The following HHLA1 variants were observed in gnomAD, a reference collection of about 807,000 sequenced individuals.
HHLA1 encodes HERV-H LTR-associating protein 1.
A neutral mutation model predicts 69.9 loss-of-function variants in HHLA1; 72 were observed. The ratio of observed to expected loss-of-function variants is 1.03; its 90% CI spans 0.85 to 1.25. The LOEUF is 1.25. HHLA1 is among the 50% of genes most tolerant of loss of function. The pLI is 0.00. For missense variants in HHLA1, 685 were observed against 642.2 expected, an observed-to-expected ratio of 1.07 and a Z score of -0.72; for synonymous variants, 252 against 233.2, an observed-to-expected ratio of 1.08 and a Z score of -0.73.
intron 1 of HHLA1, among the ~76,000 whole-genome samples, chr8:132,105,530 C>T (rs766073413): frequency 6.6e-5 from 10 of 152,218 alleles, no homozygotes; most frequent in Non-Finnish European, 1.5e-4. Context: ...TCCACATAGT[C>T]ACTCAGGGAC....
chr8:132,079,859 ATG>A lies in HHLA1; in HGVS notation c.782_783del (p.Ala261ValfsTer28). On this transcript the variant is annotated frameshift_variant, in exon 11 of 17. Transcript: ENST00000414222. LOFTEE classifies it high-confidence loss of function. ...PGHWTQSTPW[A>X]SALRSSPWTE... ...GTCCAGGGAGAGGATCTCAGAGCAGATGCCCAGGGTGTGCTCTGGGTCCAGTG... is the reference window on the plus strand; with the variant it reads ...GTCCAGGGAGAGGATCTCAGAGCAGACCCAGGGTGTGCTCTGGGTCCAGTG... 2 of 1,551,990 alleles carry A rather than the reference ATG, an allele frequency of 1.3e-6. No individual in the cohort carries two copies. Among genetic ancestry groups the A allele is most frequent in the Non-Finnish European group, 1.7e-6 (2 of 1,147,046 alleles).
intron 8 of HHLA1, among the ~76,000 whole-genome samples, chr8:132,088,371 C>T (rs1203617473): frequency 6.6e-6 from 1 of 152,140 alleles, no homozygotes; most frequent in African/African-American, 2.4e-5. Flanking sequence ...AAGAGCTGAA[C>T]GTTTTACCAA....
intron 5 of HHLA1, among the ~76,000 whole-genome samples, chr8:132,096,116 G>T (rs1330630509): frequency 6.6e-6 from 1 of 152,190 alleles, no homozygotes; most frequent in Admixed American, 6.5e-5. Flanking sequence ...GCAGAAATTT[G>T]TTCTCTCACA....
intron 14 of HHLA1, among the ~76,000 whole-genome samples, chr8:132,074,670 T>G (rs1297746887): frequency 6.6e-6 from 1 of 152,192 alleles, no homozygotes; most frequent in African/African-American, 2.4e-5. Flanking sequence ...GCAATTATGT[T>G]TTTCATTACA....
chr8:132,064,805 T>C (rs975454274), intron 16 of HHLA1, among the ~76,000 whole-genome samples: 1 of 152,032 alleles, frequency 6.6e-6, no homozygotes, highest in Non-Finnish European at 1.5e-5. Flanking sequence ...TGAGAAACAG[T>C]GGAGGGCAGA....
intron 15 of HHLA1, chr8:132,070,428 C>T: frequency 1.4e-6 from 1 of 700,098 alleles, no homozygotes; most frequent in Non-Finnish European, 2.6e-6. Context: ...CCTAGCAAAT[C>T]TCGCCAGGCT....
At chr8:132,076,192 G>A (rs1823636894) in intron 13 of HHLA1, 63 bp from the exon 14 acceptor site, 5 of 1,143,002 alleles carry the variant, frequency 4.4e-6, no homozygotes, top group Non-Finnish European at 6.4e-6. Flanking sequence ...GATACACACA[G>A]CAAGAAATTT....
rs1419682884 is a variant in HHLA1, at chr8:132,077,870, G to T, written c.1027C>A (p.Pro343Thr). The T allele has an allele frequency of 1.3e-6, 2 of 1,551,510 alleles. No homozygotes were observed. Among genetic ancestry groups the T allele is most frequent in the Non-Finnish European group, 1.7e-6 (2 of 1,146,958 alleles). ...CGAGTTTCCCAGAGAGACCCTCCAG[G>T]TTTTTTCTCACTGATGGTCTGAGCC... ...PWAQTISEKKPGGSLWETRSS... is the reference protein window; with the variant it reads ...PWAQTISEKKTGGSLWETRSS... Residue 343 changes from proline (P) to threonine (T), a missense_variant, in exon 12 of 17, where the codon CCT (proline) becomes ACT (threonine). By Grantham distance (38) the Pro-to-Thr change is conservative. Coordinates refer to ENST00000414222, the MANE Select transcript of HHLA1 (RefSeq NM_001145095.3).
intron 10 of HHLA1, among the ~76,000 whole-genome samples, chr8:132,083,956 A>G (rs1170441190): frequency 1.3e-5 from 2 of 151,648 alleles, no homozygotes; most frequent in African/African-American, 4.8e-5. Context: ...TATTTTGAGA[A>G]TAAGACGGCC....
At chr8:132,075,431 C>T (rs189225823) in intron 14 of HHLA1, among the ~76,000 whole-genome samples, 3 of 152,266 alleles carry the variant, frequency 2.0e-5, no homozygotes. Flanking sequence ...AAAAATGCAG[C>T]AAAAACCACA....
chr8:132,076,010 C>A, intron 14 of HHLA1, 45 bp downstream of exon 14: 2 of 1,392,556 alleles, frequency 1.4e-6, no homozygotes, highest in South Asian at 1.2e-5. Context: ...TGACCTTGTT[C>A]AAAATAAACA....
intron 10 of HHLA1, among the ~76,000 whole-genome samples, chr8:132,087,210 C>T (rs535105374): frequency 6.6e-6 from 1 of 152,256 alleles, no homozygotes; most frequent in South Asian, 2.1e-4. Flanking sequence ...CAACAGCATG[C>T]CCAATGTGGC....
chr8:132,110,322 G>A (rs1420846320), intron 1 of HHLA1, among the ~76,000 whole-genome samples: 1 of 152,056 alleles, frequency 6.6e-6, no homozygotes, highest in East Asian at 1.9e-4. Context: ...GAAACCAGAA[G>A]CCTGGGGATT....
Position 132,086,314 on chromosome 8 carries a change from C to T in HHLA1, c.676+1339G>A, listed in dbSNP as rs527543774. ...GGGCAGAGCCTGTGTTGGATTTTGGCCCTCACCTCCCCCAGAATGCATGTA... is the reference window on the plus strand; with the variant it reads ...GGGCAGAGCCTGTGTTGGATTTTGGTCCTCACCTCCCCCAGAATGCATGTA... On this transcript the variant is annotated intron_variant, in intron 10 of 16. Coordinates refer to ENST00000414222, the MANE Select transcript of HHLA1 (RefSeq NM_001145095.3). Among the ~76,000 whole-genome samples, 89 of 152,082 alleles carry T rather than the reference C, an allele frequency of 5.9e-4. 2 individuals are homozygous for T. In the South Asian group the frequency reaches 0.018, roughly 31 times the overall value.
chr8:132,096,916 C>A (rs866858424), intron 5 of HHLA1, among the ~76,000 whole-genome samples: 1 of 151,916 alleles, frequency 6.6e-6, no homozygotes, highest in African/African-American at 2.4e-5. Context: ...CTCCAGTAAT[C>A]CTCCCACCTC....
At chr8:132,088,733 C>A (rs1823900010) in intron 8 of HHLA1, among the ~76,000 whole-genome samples, 1 of 152,198 alleles carries the variant, frequency 6.6e-6, no homozygotes, top group Non-Finnish European at 1.5e-5. Flanking sequence ...GCCAGATCAC[C>A]TGGTTTAGAA....
At chr8:132,096,111 A>C (rs1446065524) in intron 5 of HHLA1, among the ~76,000 whole-genome samples, 1 of 152,198 alleles carries the variant, frequency 6.6e-6, no homozygotes, top group African/African-American at 2.4e-5. Flanking sequence ...AAACAGCAGA[A>C]ATTTGTTCTC....
At position 132,063,735 on chromosome 8, in the gene HHLA1, T is replaced by G. The variant is rs928561865; in HGVS notation, c.*260A>C. 49 of 181,826 alleles carry G rather than the reference T, an allele frequency of 2.7e-4. No homozygotes were observed. The highest frequency in any genetic ancestry group is 8.8e-4 in the African/African-American group (38 of 43,428). 11.3% of individuals were successfully genotyped at this position (181,826 alleles called of 1,614,324 possible). On this transcript the variant is annotated 3_prime_UTR_variant, in exon 17 of 17. Coordinates refer to ENST00000414222, the MANE Select transcript of HHLA1 (RefSeq NM_001145095.3). Reference sequence around the variant, plus strand: ...GAGCATGAACACTAGATTTCCATGATTTTGAAGCAGGCAAGGAGTCTGGCA... The same window carrying G: ...GAGCATGAACACTAGATTTCCATGAGTTTGAAGCAGGCAAGGAGTCTGGCA...
At position 132,095,594 on chromosome 8, in the gene HHLA1, G is replaced by C; in HGVS notation, c.373C>G (p.Leu125Val). ...AATTTGGCGGGGTCTACTGTCTTCA[G>C]GTTAGAAACTGTGAAGAGAAAGGAT... ...FSVAVYNISNLKTVDPAKFPT... is the reference protein window; with the variant it reads ...FSVAVYNISNVKTVDPAKFPT... Residue 125 changes from leucine (L) to valine (V), a missense_variant, in exon 7 of 17, where the codon CTG becomes GTG. Physicochemically the swap from Leu to Val is conservative, Grantham distance 32. Transcript: ENST00000414222. The C allele has an allele frequency of 1.9e-6, 3 of 1,546,738 alleles. No homozygotes were observed. Among genetic ancestry groups the C allele is most frequent in the Non-Finnish European group, 2.6e-6 (3 of 1,142,448 alleles).
Sources: gnomAD v4.1 joint callset for allele counts (sites outside exome capture counted in the v4.1 genomes callset) on GRCh38, gnomAD v4.1.1 for gene constraint, MANE v1.5 for transcripts, NCBI Gene and HGNC (gene_info 2026-07-23, HGNC 2026-07-21) for gene names.